The following PLPP4 variants were observed in gnomAD, a reference collection of about 807,000 sequenced individuals.
PLPP4 encodes the protein diacylglycerol pyrophosphate like 2.
Under a neutral mutation model 32.2 loss-of-function variants are expected in PLPP4, and 20 were observed. The observed-to-expected ratio is 0.62, with a 90% confidence interval of 0.44 to 0.90. The LOEUF is 0.90. Among genes scored for constraint, PLPP4 ranks in the 40% least tolerant of loss-of-function variants. The pLI is 0.00. For synonymous variants in PLPP4, 127 were observed against 133.0 expected, an observed-to-expected ratio of 0.95 and a Z score of 0.31; for missense variants, 257 against 353.1, an observed-to-expected ratio of 0.73 and a Z score of 2.18.
intron 5 of PLPP4, among the ~76,000 whole-genome samples, chr10:120,539,478 C>T (rs1329005525): frequency 6.6e-6 from 1 of 152,148 alleles, no homozygotes; most frequent in African/African-American, 2.4e-5. Context: ...CTCTGCCTTC[C>T]CAGCAGAACT....
intron 5 of PLPP4, among the ~76,000 whole-genome samples, chr10:120,569,970 C>T (rs1034884740): frequency 1.3e-4 from 20 of 152,176 alleles, no homozygotes; most frequent in African/African-American, 4.6e-4. Flanking sequence ...TTAAAGAGAA[C>T]ACATAGTTTC....
At chr10:120,568,037 G>C (rs1848767864) in intron 5 of PLPP4, among the ~76,000 whole-genome samples, 3 of 152,194 alleles carry the variant, frequency 2.0e-5, no homozygotes, top group South Asian at 4.1e-4. Context: ...ACAATCACTT[G>C]GGGCTTCTCA....
chr10:120,529,170 GT>G (rs1329881817), intron 5 of PLPP4, among the ~76,000 whole-genome samples: 1 of 141,292 alleles, frequency 7.1e-6, no homozygotes, highest in African/African-American at 2.6e-5. Context: ...GACATTTTTG[GT>G]TGTCACAAGT....
chr10:120,500,073 G>A (rs975546377), intron 1 of PLPP4, among the ~76,000 whole-genome samples: 3 of 152,152 alleles, frequency 2.0e-5, no homozygotes, highest in African/African-American at 2.4e-5. Context: ...GCTGGAGAAG[G>A]GACATCAATC....
At chr10:120,474,260 A>G (rs1191744055) in intron 1 of PLPP4, among the ~76,000 whole-genome samples, 1 of 152,116 alleles carries the variant, frequency 6.6e-6, no homozygotes, top group Non-Finnish European at 1.5e-5. Flanking sequence ...TTTTAGATAC[A>G]AATTTATATT....
rs1021349006 is a variant in PLPP4 at position 120,476,837 on chromosome 10, A to G, written c.56+19476A>G. The stretch of plus-strand genomic sequence containing the variant: ...GAGTAGTACCTGGCACGCAGGGAGA[A>G]CACCACAAATGTAAGCCCTTACATT... On this transcript the variant is annotated intron_variant, in intron 1 of 6. Coordinates refer to ENST00000398250, the MANE Select transcript of PLPP4 (RefSeq NM_001030059.3). 3.3e-5 allele frequency among the ~76,000 whole-genome samples: 5 copies of G among 152,192 alleles called. No homozygotes were observed. The South Asian group carries it at 1.0e-3, about 32-fold the overall frequency.
chr10:120,511,662 T>C (rs964358121), intron 2 of PLPP4, among the ~76,000 whole-genome samples: 1 of 152,234 alleles, frequency 6.6e-6, no homozygotes, highest in African/African-American at 2.4e-5. Flanking sequence ...CAAGGACTTC[T>C]TTGACCTTGA....
intron 1 of PLPP4, among the ~76,000 whole-genome samples, chr10:120,464,280 G>A (rs1235322779): frequency 6.6e-6 from 1 of 152,192 alleles, no homozygotes; most frequent in Non-Finnish European, 1.5e-5. Context: ...AGCATATTTT[G>A]TTGAAGTATT....
intron 3 of PLPP4, among the ~76,000 whole-genome samples, chr10:120,517,924 T>C (rs916624979): frequency 2.6e-5 from 4 of 152,194 alleles, no homozygotes; most frequent in African/African-American, 9.6e-5. Flanking sequence ...ACAGTTAATA[T>C]TTGCCAAAGG....
At chr10:120,463,869 C>T (rs1038366827) in intron 1 of PLPP4, among the ~76,000 whole-genome samples, 4 of 152,132 alleles carry the variant, frequency 2.6e-5, no homozygotes, top group Admixed American at 2.6e-4. Flanking sequence ...GGCTGGAGTG[C>T]AGTGGCATGA....
intron 1 of PLPP4, among the ~76,000 whole-genome samples, chr10:120,475,583 T>C (rs1201691430): frequency 6.6e-6 from 1 of 152,224 alleles, no homozygotes; most frequent in Non-Finnish European, 1.5e-5. Flanking sequence ...TTCTGTGGGA[T>C]GCATGAGACA....
intron 5 of PLPP4, among the ~76,000 whole-genome samples, chr10:120,573,774 T>G (rs1458658715): frequency 6.6e-6 from 1 of 152,174 alleles, no homozygotes; most frequent in African/African-American, 2.4e-5. Context: ...GTGCAGTGTG[T>G]GCACAGATCG....
At chr10:120,520,689 T>C (rs1191123390) in intron 4 of PLPP4, among the ~76,000 whole-genome samples, 2 of 152,124 alleles carry the variant, frequency 1.3e-5, no homozygotes, top group Non-Finnish European at 2.9e-5. Flanking sequence ...ATTTCCCCCT[T>C]CTACAGATGT....
chr10:120,459,541 C>T (rs765640052), intron 1 of PLPP4, among the ~76,000 whole-genome samples: 49 of 152,174 alleles, frequency 3.2e-4, no homozygotes, highest in Non-Finnish European at 5.9e-4. Flanking sequence ...TTTGCCAGTA[C>T]TGGAAATGAT....
chr10:120,585,955 C>G (rs993985990), intron 6 of PLPP4, among the ~76,000 whole-genome samples: 1 of 152,204 alleles, frequency 6.6e-6, no homozygotes, highest in Non-Finnish European at 1.5e-5. Context: ...CAGACAGCTA[C>G]TGCTCAGTCA....
At chr10:120,565,955 T>G (rs1848673321) in intron 5 of PLPP4, among the ~76,000 whole-genome samples, 2 of 152,156 alleles carry the variant, frequency 1.3e-5, no homozygotes, top group Non-Finnish European at 1.5e-5. Flanking sequence ...TAGGTTTGTT[T>G]TACTTGCTAT....
intron 4 of PLPP4, 101 bp from the exon 5 acceptor site, chr10:120,520,870 T>C (rs774368965): frequency 1.1e-5 from 16 of 1,423,186 alleles, no homozygotes; most frequent in African/African-American, 1.5e-5. Context: ...CCAAGGGGGC[T>C]GAGGAAAGAG....
intron 6 of PLPP4, 100 bp downstream of exon 6, chr10:120,575,401 A>T: frequency 7.7e-7 from 1 of 1,300,700 alleles, no homozygotes; most frequent in African/African-American, 1.5e-5. Context: ...CTAAGTGCCC[A>T]TTGTCCAAAA....
chr10:120,507,960 G>T (rs1018412457), intron 2 of PLPP4, among the ~76,000 whole-genome samples: 9 of 152,198 alleles, frequency 5.9e-5, no homozygotes, highest in African/African-American at 2.2e-4. Flanking sequence ...GACTCAGTAA[G>T]AAGTTTAAGG....
Sources: gnomAD v4.1 joint callset for allele counts (sites outside exome capture counted in the v4.1 genomes callset) on GRCh38, gnomAD v4.1.1 for gene constraint, MANE v1.5 for transcripts, NCBI Gene and HGNC (gene_info 2026-07-23, HGNC 2026-07-21) for gene names.